SLC39A11: variants seen among roughly 807,000 people sequenced by gnomAD.
SLC39A11 encodes solute carrier family 39 member 11.
A neutral mutation model predicts 36.1 loss-of-function variants in SLC39A11; 33 were observed. The observed-to-expected ratio is 0.91, with a 90% CI of 0.69 to 1.22. SLC39A11 has a LOEUF of 1.22. Among genes scored for constraint, SLC39A11 ranks in the 50% most tolerant of loss-of-function variants. SLC39A11 has a pLI of 0.00. For synonymous variants in SLC39A11, 166 were observed against 170.3 expected (o/e 0.97, Z 0.20); for missense variants, 432 against 430.3 (o/e 1.00, Z -0.03).
chr17:72,687,085 T>G (rs1037198626), intron 7 of SLC39A11, among the ~76,000 whole-genome samples: 3 of 152,224 alleles, frequency 2.0e-5, no homozygotes, highest in African/African-American at 7.2e-5. Flanking sequence ...TGGAGTTTGG[T>G]GGCACAATCA....
chr17:72,976,835 C>A (rs1473442281), intron 4 of SLC39A11, among the ~76,000 whole-genome samples: 1 of 149,716 alleles, frequency 6.7e-6, no homozygotes. Context: ...GGCAACAGAG[C>A]AAGACTCCGT....
At chr17:72,905,304 A>G (rs1167094881) in intron 5 of SLC39A11, among the ~76,000 whole-genome samples, 2 of 145,244 alleles carry the variant, frequency 1.4e-5, no homozygotes, top group African/African-American at 5.1e-5. Flanking sequence ...TTTTTTTTAA[A>G]TAGTGTCTAG....
At position 72,729,408 on chromosome 17, in the gene SLC39A11, TATATATATATATATATA is replaced by T. The variant is rs2074070312; in HGVS notation, c.671+7225_671+7241del. 6.7e-4 allele frequency among the ~76,000 whole-genome samples: 3 copies of T among 4,452 alleles called. 1 individual carries two copies. Among genetic ancestry groups the T allele is most frequent in the Non-Finnish European group, 1.2e-3 (3 of 2,490 alleles). The allele number at this position is 4,452 out of a possible 152,430, so 2.9% of individuals were successfully genotyped here. A position where few individuals can be genotyped will look rare whatever the true frequency, so the allele number is the denominator to read the frequency against. On this transcript the variant is annotated intron_variant, in intron 7 of 9. Coordinates refer to ENST00000255559, the MANE Select transcript of SLC39A11 (RefSeq NM_139177.4). The stretch of plus-strand genomic sequence containing the variant: ...GCATGCCACCCCACCTGGCTATTTA[TATATATATATATATATA>T]TATATATATATATATATATATATAT...
intron 5 of SLC39A11, among the ~76,000 whole-genome samples, chr17:72,915,415 G>C (rs2083275175): frequency 6.6e-6 from 1 of 152,150 alleles, no homozygotes; most frequent in Non-Finnish European, 1.5e-5. Context: ...CCCAACAAAG[G>C]CTCTAGTCCC....
At chr17:72,922,793 C>A (rs1400186231) in intron 5 of SLC39A11, among the ~76,000 whole-genome samples, 1 of 151,770 alleles carries the variant, frequency 6.6e-6, no homozygotes, top group East Asian at 1.9e-4. Flanking sequence ...CATGGCAAAA[C>A]CCCATATCTA....
chr17:72,912,467 A>C (rs66873076), intron 5 of SLC39A11, among the ~76,000 whole-genome samples: 76,945 of 149,494 alleles, frequency 0.51, 19,718 homozygotes, highest in African/African-American at 0.54. Context: ...GGGGGTCTTG[A>C]GCCGCTACCC....
At chr17:73,089,217 C>T (rs2060844308) in intron 1 of SLC39A11, among the ~76,000 whole-genome samples, 1 of 152,174 alleles carries the variant, frequency 6.6e-6, no homozygotes, top group Admixed American at 6.5e-5. Context: ...TGTCAACACG[C>T]TTCCAATCTT....
chr17:72,815,844 C>T (rs2077564116), intron 6 of SLC39A11, among the ~76,000 whole-genome samples: 1 of 152,102 alleles, frequency 6.6e-6, no homozygotes, highest in South Asian at 2.1e-4. Flanking sequence ...TCGCTTGAAC[C>T]TGGGAGGTGG....
intron 5 of SLC39A11, among the ~76,000 whole-genome samples, chr17:72,870,940 A>G (rs560375467): frequency 1.3e-5 from 2 of 152,166 alleles, no homozygotes; most frequent in East Asian, 3.9e-4. Flanking sequence ...AGCTCTTAAA[A>G]TCCTTGTACA....
intron 7 of SLC39A11, among the ~76,000 whole-genome samples, chr17:72,685,183 G>T (rs2071686122): frequency 6.6e-6 from 1 of 152,216 alleles, no homozygotes; most frequent in African/African-American, 2.4e-5. Flanking sequence ...AGGAAGTTTG[G>T]GAGCAGACAG....
intron 6 of SLC39A11, among the ~76,000 whole-genome samples, chr17:72,740,355 G>T (rs374937663): frequency 2.0e-5 from 3 of 151,974 alleles, no homozygotes; most frequent in African/African-American, 7.3e-5. Context: ...GTAAGCCACC[G>T]CGCCCGGCCA....
chr17:73,078,496 T>G (rs1032633991), intron 3 of SLC39A11, among the ~76,000 whole-genome samples: 4 of 89,874 alleles, frequency 4.5e-5, no homozygotes, highest in Admixed American at 3.0e-4. Context: ...TTTTTTGTTG[T>G]TTTTTTTTTT....
At chr17:72,820,960 T>TTTTTG (rs2077753812) in intron 6 of SLC39A11, among the ~76,000 whole-genome samples, 1 of 150,088 alleles carries the variant, frequency 6.7e-6, no homozygotes, top group East Asian at 2.0e-4. Context: ...TATTATAAGG[T>TTTTTG]TTTTTGTTTT....
chr17:72,770,800 G>T (rs571525437), intron 6 of SLC39A11, among the ~76,000 whole-genome samples: 1 of 152,290 alleles, frequency 6.6e-6, no homozygotes, highest in Non-Finnish European at 1.5e-5. Context: ...AAACACCTTC[G>T]AATTTGTCAG....
chr17:72,867,135 T>A (rs1022091458), intron 5 of SLC39A11, among the ~76,000 whole-genome samples: 2 of 152,068 alleles, frequency 1.3e-5, no homozygotes, highest in Non-Finnish European at 2.9e-5. Flanking sequence ...GTCCTCTGAT[T>A]GGTAGGGAGG....
intron 6 of SLC39A11, among the ~76,000 whole-genome samples, chr17:72,749,018 A>C (rs2060095): frequency 0.051 from 7,833 of 152,276 alleles, 299 homozygotes; most frequent in African/African-American, 0.11. Flanking sequence ...TTTAATGAAT[A>C]ATTGCTTATA....
chr17:72,791,651 C>T (rs2076708797), intron 6 of SLC39A11, among the ~76,000 whole-genome samples: 2 of 152,156 alleles, frequency 1.3e-5, no homozygotes, highest in African/African-American at 2.4e-5. Context: ...CCACCCAAAT[C>T]TCATCTTGAA....
intron 4 of SLC39A11, among the ~76,000 whole-genome samples, chr17:73,024,066 C>G (rs902138569): frequency 6.6e-6 from 1 of 152,234 alleles, no homozygotes; most frequent in Non-Finnish European, 1.5e-5. Context: ...TTTGCTATGG[C>G]AGCCCCAGCG....
At chr17:72,711,747 C>T (rs148699924) in intron 7 of SLC39A11, among the ~76,000 whole-genome samples, 198 of 152,248 alleles carry the variant, frequency 1.3e-3, no homozygotes, top group African/African-American at 4.2e-3. Flanking sequence ...TGAGCAACAC[C>T]GTGAGTGACA....
Sources: allele counts gnomAD v4.1 joint callset (sites outside exome capture counted in the v4.1 genomes callset), GRCh38; gene constraint gnomAD v4.1.1; transcripts MANE v1.5; gene names NCBI Gene and HGNC (gene_info 2026-07-23, HGNC 2026-07-21).